CREB5: variants seen among roughly 807,000 people sequenced by gnomAD.
CREB5 encodes the protein cyclic AMP-responsive element-binding protein 5.
Under a neutral mutation model 57.1 loss-of-function variants are expected in CREB5, and 19 were observed. The ratio of observed to expected loss-of-function variants is 0.33; its 90% CI spans 0.23 to 0.49. The LOEUF is 0.49. Ranked by LOEUF, CREB5 falls within the 20% of genes least tolerant of loss-of-function variation. The probability of loss-of-function intolerance (pLI) is 0.99; values close to 1 mark genes in which losing one functional copy is unlikely to be tolerated. For missense variants in CREB5, 579 were observed against 671.6 expected, an observed-to-expected ratio of 0.86 and a Z score of 1.52; for synonymous variants, 238 against 238.3, an observed-to-expected ratio of 1.00 and a Z score of 0.01.
chr7:28,310,301 G>C (rs1785254050), intron 1 of CREB5, among the ~76,000 whole-genome samples: 1 of 152,214 alleles, frequency 6.6e-6, no homozygotes, highest in South Asian at 2.1e-4. Context: ...ACCTGCTTCT[G>C]TAAAATAGTA....
chr7:28,333,290 T>C (rs1006993340), intron 1 of CREB5, among the ~76,000 whole-genome samples: 3 of 152,216 alleles, frequency 2.0e-5, no homozygotes, highest in African/African-American at 7.2e-5. Context: ...GCTGTATATA[T>C]TTATGGGTTA....
intron 3 of CREB5, among the ~76,000 whole-genome samples, chr7:28,500,699 T>G (rs1289265834): frequency 6.6e-6 from 1 of 152,180 alleles, no homozygotes; most frequent in Non-Finnish European, 1.5e-5. Flanking sequence ...CATGGTTCTT[T>G]GCTAGAAGAG....
At chr7:28,660,104 G>C (rs1799540702) in intron 5 of CREB5, among the ~76,000 whole-genome samples, 2 of 152,138 alleles carry the variant, frequency 1.3e-5, no homozygotes, top group Admixed American at 6.5e-5. Flanking sequence ...TGGCAGTTTT[G>C]CTTGCCTGTA....
chr7:28,706,058 CA>C (rs201906768), intron 5 of CREB5, among the ~76,000 whole-genome samples: 2 of 151,404 alleles, frequency 1.3e-5, no homozygotes, highest in Admixed American at 6.6e-5. Context: ...GTGTTTGAGA[CA>C]AAAAAAAATC....
At chr7:28,428,792 G>A (rs945883397) in intron 1 of CREB5, among the ~76,000 whole-genome samples, 1 of 152,072 alleles carries the variant, frequency 6.6e-6, no homozygotes, top group East Asian at 1.9e-4. Context: ...CATCAAATAG[G>A]CCAGCCTCAT....
chr7:28,429,044 G>A (rs528427029), intron 1 of CREB5, among the ~76,000 whole-genome samples: 2 of 151,236 alleles, frequency 1.3e-5, no homozygotes, highest in Non-Finnish European at 3.0e-5. Flanking sequence ...GTTTTTTTTT[G>A]AGATGGAATC....
chr7:28,713,572 C>T lies in CREB5; in HGVS notation c.465-5181C>T, dbSNP rs192861475. ...CCGGCTTGATTTCACTAAATGAAGA[C>T]GCTGACCACCTACTGTGTGCCAGAT... On this transcript the variant is annotated intron_variant, in intron 5 of 10. Coordinates refer to ENST00000357727, the MANE Select transcript of CREB5 (RefSeq NM_182898.4). 1.5e-3 allele frequency among the ~76,000 whole-genome samples: 228 copies of T among 152,272 alleles called. 1 individual carries two copies. Among genetic ancestry groups the T allele is most frequent in the African/African-American group, 4.4e-3 (182 of 41,558 alleles).
intron 1 of CREB5, among the ~76,000 whole-genome samples, chr7:28,384,020 C>T (rs1787025294): frequency 6.6e-6 from 1 of 152,176 alleles, no homozygotes; most frequent in African/African-American, 2.4e-5. Flanking sequence ...TTTTAATTCT[C>T]TTTGGAAAAT....
chr7:28,329,146 T>G (rs1785666899), intron 1 of CREB5, among the ~76,000 whole-genome samples: 1 of 152,208 alleles, frequency 6.6e-6, no homozygotes, highest in Non-Finnish European at 1.5e-5. Flanking sequence ...TAACCACCCT[T>G]AATAGATGAA....
At chr7:28,698,318 G>T (rs1326179055) in intron 5 of CREB5, among the ~76,000 whole-genome samples, 2 of 145,082 alleles carry the variant, frequency 1.4e-5, no homozygotes, top group African/African-American at 2.6e-5. Context: ...TTCTTTAATA[G>T]TCTCTCTTCC....
At chr7:28,818,842 G>C (rs996936985) in intron 10 of CREB5, 6 of 548,026 alleles carry the variant, frequency 1.1e-5, no homozygotes, top group Non-Finnish European at 2.1e-5. Flanking sequence ...AAGACAAAAT[G>C]GGGAAGTTCA....
chr7:28,374,781 A>T (rs1562681034), intron 1 of CREB5, among the ~76,000 whole-genome samples: 1 of 152,146 alleles, frequency 6.6e-6, no homozygotes, highest in Admixed American at 6.5e-5. Flanking sequence ...GGCCTTTGGG[A>T]TTATGCATCC....
intron 7 of CREB5, among the ~76,000 whole-genome samples, chr7:28,782,471 C>T (rs1431513795): frequency 6.6e-6 from 1 of 151,994 alleles, no homozygotes; most frequent in African/African-American, 2.4e-5. Flanking sequence ...CTTTTTTGCT[C>T]AAGCTGATCT....
intron 7 of CREB5, among the ~76,000 whole-genome samples, chr7:28,755,759 C>A (rs1419436340): frequency 6.6e-6 from 1 of 152,132 alleles, no homozygotes; most frequent in Non-Finnish European, 1.5e-5. Flanking sequence ...AACATTGATC[C>A]TGAGAGCTGC....
intron 1 of CREB5, among the ~76,000 whole-genome samples, chr7:28,346,356 T>C (rs1786057964): frequency 1.3e-5 from 2 of 152,218 alleles, no homozygotes; most frequent in Admixed American, 1.3e-4. Flanking sequence ...TCTTACTGTA[T>C]CCTCACATGG....
intron 5 of CREB5, among the ~76,000 whole-genome samples, chr7:28,698,668 T>C (rs28522092): frequency 0.034 from 5,251 of 152,274 alleles, 125 homozygotes; most frequent in Non-Finnish European, 0.053. Flanking sequence ...TATTCATTGG[T>C]TTATTAAAAC....
At chr7:28,717,994 G>T (rs7803931) in intron 5 of CREB5, among the ~76,000 whole-genome samples, 12,261 of 152,162 alleles carry the variant, frequency 0.081, 622 homozygotes, top group African/African-American at 0.13. Flanking sequence ...TCTTAAAATT[G>T]TTTTCTGGCA....
At chr7:28,526,929 CT>C (rs1256448841) in intron 4 of CREB5, among the ~76,000 whole-genome samples, 1 of 152,192 alleles carries the variant, frequency 6.6e-6, no homozygotes, top group African/African-American at 2.4e-5. Flanking sequence ...ATTCATCCAT[CT>C]TTTATTAATC....
intron 4 of CREB5, among the ~76,000 whole-genome samples, chr7:28,549,133 C>G (rs1246684616): frequency 1.3e-5 from 2 of 152,192 alleles, no homozygotes; most frequent in African/African-American, 4.8e-5. Context: ...ACCCTCATTT[C>G]CATTCCACAT....
Sources: allele counts gnomAD v4.1 joint callset (sites outside exome capture counted in the v4.1 genomes callset), GRCh38; gene constraint gnomAD v4.1.1; transcripts MANE v1.5; gene names NCBI Gene and HGNC (gene_info 2026-07-23, HGNC 2026-07-21).